Variants in TMEM39A observed in about 807,000 individuals in gnomAD.
TMEM39A encodes the protein suppressor of SQST-1 aggregates in rpl-43 mutants.
In TMEM39A, 19 loss-of-function variants were observed where a neutral mutation model predicts 51.9. That is an observed-to-expected ratio of 0.37 (90% CI 0.26 to 0.54). TMEM39A has a LOEUF of 0.54. Ranked by LOEUF, TMEM39A falls within the 20% of genes least tolerant of loss-of-function variation. The pLI is 0.88. For missense variants in TMEM39A, 433 were observed against 590.5 expected, an observed-to-expected ratio of 0.73 and a Z score of 2.76; for synonymous variants, 197 against 220.2, an observed-to-expected ratio of 0.89 and a Z score of 0.93.
At chr3:119,436,362 AAG>A (rs1341352203) in intron 7 of TMEM39A, among the ~76,000 whole-genome samples, 2 of 152,364 alleles carry the variant, frequency 1.3e-5, no homozygotes, top group African/African-American at 4.8e-5. Context: ...ATGTATTAGA[AAG>A]AAAAAATGAG....
rs368084387 is a variant in TMEM39A, at chr3:119,452,441, T to C, written c.420+6A>G. 2 of 1,611,362 alleles carry C rather than the reference T, an allele frequency of 1.2e-6. No homozygotes were observed. Among genetic ancestry groups the C allele is most frequent in the Non-Finnish European group, 1.7e-6 (2 of 1,177,762 alleles). On this transcript the variant is annotated splice_donor_region_variant and intron_variant, in intron 4 of 8. Transcript: ENST00000319172. Reference sequence around the variant, plus strand: ...ATGTGATAGAATATAGTCAATGAACTGTTACCTCTGAGATGAGAGCCCATA... The same window carrying C: ...ATGTGATAGAATATAGTCAATGAACCGTTACCTCTGAGATGAGAGCCCATA...
chr3:119,435,307 T>C, intron 7 of TMEM39A: 1 of 985,342 alleles, frequency 1.0e-6, no homozygotes, highest in Non-Finnish European at 1.2e-6. Context: ...ACATTGTCAA[T>C]CTAGCATGAC....
chr3:119,449,964 A>G (rs1369619439), intron 4 of TMEM39A, among the ~76,000 whole-genome samples: 1 of 152,184 alleles, frequency 6.6e-6, no homozygotes, highest in Non-Finnish European at 1.5e-5. Context: ...CTTAAATATT[A>G]TTGATCTTTC....
At chr3:119,442,112 A>C (rs2081061850) in intron 5 of TMEM39A, among the ~76,000 whole-genome samples, 5 of 152,140 alleles carry the variant, frequency 3.3e-5, no homozygotes, top group Admixed American at 3.3e-4. Flanking sequence ...AGGCTGAGGC[A>C]GGCGGAGCAC....
Position 119,437,882 on chromosome 3 carries a change from G to T in TMEM39A, c.797C>A (p.Ser266Tyr). 1 of 1,613,638 alleles carries T rather than the reference G, an allele frequency of 6.2e-7. No individual in the cohort carries two copies. The highest frequency in any genetic ancestry group is 8.5e-7 in the Non-Finnish European group (1 of 1,179,596). The change falls in exon 6 of 9, where the codon TCT (serine) becomes TAT (tyrosine). Residue 266 changes from serine (S) to tyrosine (Y), a missense_variant. By Grantham distance (144) the Ser-to-Tyr change is moderately radical (BLOSUM62 -2). This residue lies in a region of TMEM39A where 223 missense variants were observed against 328.1 expected (regional missense o/e 0.68). Transcript: ENST00000319172. ...TACTTCATTGCGAATGAGGTCTGGA[G>T]ATAGGGGACAACTGTGGGTGGGGAT... is the stretch of plus-strand genomic sequence containing the variant. ...TPIPTHSCPL[S>Y]PDLIRNEVEC...
intron 8 of TMEM39A, among the ~76,000 whole-genome samples, chr3:119,432,667 T>C (rs1046949882): frequency 6.6e-6 from 1 of 152,104 alleles, no homozygotes; most frequent in Non-Finnish European, 1.5e-5. Context: ...TAAAAAACAT[T>C]CTTGGCTTGT....
In TMEM39A at chr3:119,459,098, C is replaced by T. The variant is rs976001300; in HGVS notation, c.114-858G>A. ...TCTAGCAGTACCAAAATTCTAGACT[C>T]CCAAAAAGAATGCAGGTGTTCAACA... is the stretch of plus-strand genomic sequence containing the variant. On this transcript the variant is annotated intron_variant, in intron 2 of 8. Coordinates refer to ENST00000319172, the MANE Select transcript of TMEM39A (RefSeq NM_018266.3). Among the ~76,000 whole-genome samples the T allele has an allele frequency of 5.3e-5, 8 of 152,188 alleles. No homozygotes were observed. In the South Asian group the frequency reaches 1.7e-3, roughly 32 times the overall value.
chr3:119,444,198 A>G (rs1021666108), intron 5 of TMEM39A, among the ~76,000 whole-genome samples: 37 of 152,314 alleles, frequency 2.4e-4, no homozygotes, highest in Middle Eastern at 3.4e-3. Context: ...AGCCATCCTG[A>G]TAATAGTAAT....
At chr3:119,434,989 C>A in intron 7 of TMEM39A, 107 bp from the exon 8 acceptor site, 1 of 1,456,154 alleles carries the variant, frequency 6.9e-7, no homozygotes, top group South Asian at 1.4e-5. Flanking sequence ...ATCAAGGCTT[C>A]ATCTGCCTGA....
At chr3:119,454,539 C>T (rs906321909) in intron 3 of TMEM39A, among the ~76,000 whole-genome samples, 1 of 152,160 alleles carries the variant, frequency 6.6e-6, no homozygotes, top group Admixed American at 6.5e-5. Flanking sequence ...CGCCTGTAAT[C>T]CCAGTAATTT....
In TMEM39A at chr3:119,461,945, C is replaced by A. The variant is rs1363266805; in HGVS notation, c.113+17G>T. 1.3e-6 allele frequency: 2 copies of A among 1,589,500 alleles called. No individual in the cohort carries two copies. The highest frequency in any genetic ancestry group is 2.2e-5 in the East Asian group (1 of 44,702). ...CAAAGGACATTAAAATTATATATAG[C>A]CTTATTTTTTCTTTACCTGTTTCTC... On this transcript the variant is annotated intron_variant, in intron 2 of 8. Transcript: ENST00000319172.
chr3:119,450,130 T>C (rs1342041970), intron 4 of TMEM39A, among the ~76,000 whole-genome samples: 1 of 152,240 alleles, frequency 6.6e-6, no homozygotes, highest in Non-Finnish European at 1.5e-5. Flanking sequence ...AATTTTTGAA[T>C]AGGTAACACA....
chr3:119,450,113 T>C (rs1244764408), intron 4 of TMEM39A, among the ~76,000 whole-genome samples: 3 of 152,236 alleles, frequency 2.0e-5, no homozygotes, highest in Non-Finnish European at 4.4e-5. Context: ...ATACAGCTCT[T>C]ATTTTAAATT....
intron 7 of TMEM39A, chr3:119,435,994 G>A: frequency 8.2e-7 from 1 of 1,217,458 alleles, no homozygotes; most frequent in South Asian, 1.3e-5. Flanking sequence ...AGAGGGAAAG[G>A]GAAGGTCACC....
intron 3 of TMEM39A, among the ~76,000 whole-genome samples, chr3:119,454,880 T>C (rs2081245107): frequency 1.3e-5 from 2 of 151,986 alleles, no homozygotes; most frequent in African/African-American, 4.8e-5. Flanking sequence ...AATGTGCTTA[T>C]GATTAACTCT....
chr3:119,451,929 C>A (rs1198547476), intron 4 of TMEM39A, among the ~76,000 whole-genome samples: 1 of 149,704 alleles, frequency 6.7e-6, no homozygotes. Context: ...TGTTCTAATT[C>A]TTTCTCATTC....
Position 119,431,371 on chromosome 3 carries a change from T to C in TMEM39A, c.*610A>G, listed in dbSNP as rs1014743939. The stretch of plus-strand genomic sequence containing the variant: ...CACAGGAAAAGTGGCAGCAAAACCC[T>C]CAGCCTCAGGATAGTAGCTTATTCA... On this transcript the variant is annotated 3_prime_UTR_variant, in exon 9 of 9. Coordinates refer to ENST00000319172, the MANE Select transcript of TMEM39A (RefSeq NM_018266.3). 2.0e-5 allele frequency: 3 copies of C among 152,186 alleles called. No individual in the cohort carries two copies. Among genetic ancestry groups the C allele is most frequent in the Non-Finnish European group, 4.4e-5 (3 of 68,044 alleles). The allele number at this position is 152,186 out of a possible 1,614,324, so 9.4% of individuals were successfully genotyped here.
chr3:119,434,995 C>A, intron 7 of TMEM39A, 113 bp from the exon 8 acceptor site: 2 of 1,441,212 alleles, frequency 1.4e-6, no homozygotes, highest in Non-Finnish European at 1.8e-6. Context: ...GCTTCATCTG[C>A]CTGAATTCTG....
chr3:119,437,542 A>G (rs2107661947), intron 6 of TMEM39A, among the ~76,000 whole-genome samples: 1 of 151,122 alleles, frequency 6.6e-6, no homozygotes, highest in East Asian at 1.9e-4. Context: ...AAAAAAAAAG[A>G]AAAAAAGAGG....
Sources: allele counts gnomAD v4.1 joint callset (sites outside exome capture counted in the v4.1 genomes callset), GRCh38; gene constraint gnomAD v4.1.1; regional missense constraint gnomAD v4.1.1; transcripts MANE v1.5; gene names NCBI Gene and HGNC (gene_info 2026-07-23, HGNC 2026-07-21).